Variants in EGFR observed in about 807,000 individuals in gnomAD.
EGFR encodes the protein epidermal growth factor receptor.
A neutral mutation model predicts 143.0 loss-of-function variants in EGFR; 58 were observed. That is an observed-to-expected ratio of 0.41 (90% CI 0.33 to 0.50). EGFR has a LOEUF of 0.50. Among genes scored for constraint, EGFR ranks in the 20% least tolerant of loss-of-function variants. EGFR has a pLI of 0.39. For synonymous variants in EGFR, 613 were observed against 594.4 expected (o/e 1.03, Z -0.45); for missense variants, 1,307 against 1,579.0 (o/e 0.83, Z 2.92).
chr7:55,137,630 G>T (rs568648182), intron 1 of EGFR, among the ~76,000 whole-genome samples: 1 of 152,184 alleles, frequency 6.6e-6, no homozygotes, highest in African/African-American at 2.4e-5. Flanking sequence ...AGATAACTTC[G>T]TATATCCACT....
At chr7:55,108,160 A>G (rs1347145908) in intron 1 of EGFR, among the ~76,000 whole-genome samples, 1 of 152,216 alleles carries the variant, frequency 6.6e-6, no homozygotes, top group Non-Finnish European at 1.5e-5. Flanking sequence ...GAGTTAGTCT[A>G]TTTGTCATGC....
intron 20 of EGFR, among the ~76,000 whole-genome samples, chr7:55,183,397 A>G (rs374170653): frequency 2.0e-5 from 3 of 152,236 alleles, no homozygotes; most frequent in East Asian, 3.8e-4. Flanking sequence ...CAGTCATTGC[A>G]TTTAGGACCC....
intron 1 of EGFR, among the ~76,000 whole-genome samples, chr7:55,081,930 C>T (rs547620297): frequency 7.5e-4 from 114 of 152,318 alleles, no homozygotes; most frequent in Non-Finnish European, 1.4e-3. Flanking sequence ...GGCACACATA[C>T]AGCTGTATCT....
intron 20 of EGFR, among the ~76,000 whole-genome samples, chr7:55,185,955 T>C (rs1787117282): frequency 6.6e-6 from 1 of 152,212 alleles, no homozygotes; most frequent in Non-Finnish European, 1.5e-5. Flanking sequence ...CTTTCACGGC[T>C]CTGCTACTGA....
chr7:55,101,383 A>G (rs1012220910), intron 1 of EGFR, among the ~76,000 whole-genome samples: 13 of 152,160 alleles, frequency 8.5e-5, no homozygotes, highest in African/African-American at 2.9e-4. Flanking sequence ...CTGTCGCTCT[A>G]TTTACTGAAT....
intron 19 of EGFR, among the ~76,000 whole-genome samples, chr7:55,175,930 T>G (rs1005189494): frequency 6.6e-6 from 1 of 152,162 alleles, no homozygotes; most frequent in Non-Finnish European, 1.5e-5. Flanking sequence ...AGATGATGAA[T>G]TGATATAATA....
chr7:55,154,566 T>A (rs1221987790), intron 7 of EGFR, among the ~76,000 whole-genome samples: 2 of 152,266 alleles, frequency 1.3e-5, no homozygotes, highest in African/African-American at 2.4e-5. Flanking sequence ...AGAGAGTCTA[T>A]CAGAAGACCT....
intron 1 of EGFR, among the ~76,000 whole-genome samples, chr7:55,086,920 A>G (rs1255348537): frequency 1.3e-5 from 2 of 151,994 alleles, no homozygotes; most frequent in Non-Finnish European, 2.9e-5. Flanking sequence ...GCAAGCTTGC[A>G]TTTTTTTGCA....
In EGFR at chr7:55,104,006, T is replaced by C. The variant is rs530729654; in HGVS notation, c.89-38280T>C. On this transcript the variant is annotated intron_variant, in intron 1 of 27. Coordinates refer to ENST00000275493, the MANE Select transcript of EGFR (RefSeq NM_005228.5). ...AAGGGTAGAAGTTCCTGTGCTCATA[T>C]TAAGAAACAGCAATGTCAATCGAGG... 3.1e-4 allele frequency among the ~76,000 whole-genome samples: 47 copies of C among 152,342 alleles called. 1 individual carries two copies. In the South Asian group the frequency reaches 9.7e-3, roughly 32 times the overall value.
rs1490592445 is a variant in EGFR, at chr7:55,154,079, C to T, written c.816C>T (p.Pro272=). 2.5e-6 allele frequency: 4 copies of T among 1,614,110 alleles called. No homozygotes were observed. The highest frequency in any genetic ancestry group is 1.7e-5 in the Admixed American group (1 of 60,008). ...GCCCCCCACTCATGCTCTACAACCCCACCACGTACCAGATGGATGTGAACC... is the reference window on the plus strand; with the variant it reads ...GCCCCCCACTCATGCTCTACAACCCTACCACGTACCAGATGGATGTGAACC... ...DTCPPLMLYN[P]TTYQMDVNPE... The change falls in exon 7 of 28, where the codon CCC becomes CCT. Residue 272 remains proline, a synonymous_variant. Transcript: ENST00000275493.
intron 15 of EGFR, chr7:55,170,675 A>G: frequency 6.3e-7 from 1 of 1,588,862 alleles, no homozygotes; most frequent in Non-Finnish European, 8.5e-7. Flanking sequence ...CTCTCACCCC[A>G]ACTAGTAGCT....
chr7:55,088,856 C>T (rs949885419), intron 1 of EGFR, among the ~76,000 whole-genome samples: 2 of 152,228 alleles, frequency 1.3e-5, no homozygotes, highest in African/African-American at 4.8e-5. Context: ...TCATCTCCCA[C>T]GCCCTCCATC....
chr7:55,177,847 TAG>T (rs1786666710), intron 19 of EGFR, among the ~76,000 whole-genome samples: 1 of 152,226 alleles, frequency 6.6e-6, no homozygotes, highest in Admixed American at 6.5e-5. Context: ...ATGCTTGCTG[TAG>T]GTCACGGTGC....
chr7:55,024,684 C>CT (rs1157922335), intron 1 of EGFR, among the ~76,000 whole-genome samples: 1 of 151,900 alleles, frequency 6.6e-6, no homozygotes, highest in Non-Finnish European at 1.5e-5. Context: ...ACAACTTAGG[C>CT]TTTTTTTTCT....
chr7:55,172,926 A>C (rs759269964), intron 16 of EGFR, 57 bp from the exon 17 acceptor site: 1 of 1,613,922 alleles, frequency 6.2e-7, no homozygotes. Context: ...GTTGAGTGCC[A>C]AGGCCATGGA....
intron 2 of EGFR, 109 bp downstream of exon 2, chr7:55,142,546 C>G: frequency 7.2e-7 from 1 of 1,380,930 alleles, no homozygotes; most frequent in South Asian, 1.2e-5. Context: ...ATGGCAATGA[C>G]AAGTCTTACA....
intron 1 of EGFR, among the ~76,000 whole-genome samples, chr7:55,027,179 AAG>A: frequency 6.6e-6 from 1 of 152,314 alleles, no homozygotes; most frequent in African/African-American, 2.4e-5. Context: ...AGGGCTGAGA[AAG>A]AGAGACACAT....
intron 1 of EGFR, among the ~76,000 whole-genome samples, chr7:55,137,835 C>A (rs1378532202): frequency 6.6e-6 from 1 of 152,052 alleles, no homozygotes; most frequent in Non-Finnish European, 1.5e-5. Flanking sequence ...GGGCAGGGAT[C>A]GACTGGGAGG....
intron 13 of EGFR, 29 bp downstream of exon 13, chr7:55,161,660 C>T (rs745656481): frequency 6.2e-6 from 10 of 1,614,146 alleles, no homozygotes; most frequent in Admixed American, 1.7e-5. Flanking sequence ...AATCCCCTTG[C>T]GTTGATCAAA....
Sources: allele counts gnomAD v4.1 joint callset (sites outside exome capture counted in the v4.1 genomes callset), GRCh38; gene constraint gnomAD v4.1.1; transcripts MANE v1.5; gene names NCBI Gene and HGNC (gene_info 2026-07-23, HGNC 2026-07-21).